The following ANKMY1 variants were observed in gnomAD, a reference collection of about 807,000 sequenced individuals.
ANKMY1 encodes the protein ankyrin repeat and MYND domain containing 1.
ANKMY1 carries 98 observed loss-of-function variants against 102.0 expected under a neutral mutation model. The ratio of observed to expected loss-of-function variants is 0.96; its 90% CI spans 0.82 to 1.14. ANKMY1 has a LOEUF of 1.14. Among genes scored for constraint, ANKMY1 ranks in the 50% most tolerant of loss-of-function variants. The pLI is 0.00. For synonymous variants in ANKMY1, 582 were observed against 559.9 expected, an observed-to-expected ratio of 1.04 and a Z score of -0.56; for missense variants, 1,330 against 1,347.6, an observed-to-expected ratio of 0.99 and a Z score of 0.20.
the ANKMY1 span, among the ~76,000 whole-genome samples, chr2:240,471,537 G>T: frequency 6.6e-6 from 1 of 152,148 alleles, no homozygotes; most frequent in African/African-American, 2.4e-5. Flanking sequence ...AAGCGAAAAG[G>T]GGGAGAAATA....
intron 6 of ANKMY1, 158 bp from the exon 7 acceptor site, chr2:240,526,007 G>T: frequency 9.7e-7 from 1 of 1,035,752 alleles, no homozygotes; most frequent in Non-Finnish European, 1.4e-6. Context: ...TGGGACAGAG[G>T]AATGGAACAG....
At chr2:240,471,046 A>C in the ANKMY1 span, among the ~76,000 whole-genome samples, 1 of 152,044 alleles carries the variant, frequency 6.6e-6, no homozygotes. Flanking sequence ...AACCGCAAAG[A>C]AACGAAGTTC....
At chr2:240,545,147 C>G (rs961568653) in intron 4 of ANKMY1, among the ~76,000 whole-genome samples, 3 of 152,192 alleles carry the variant, frequency 2.0e-5, no homozygotes, top group African/African-American at 7.2e-5. Context: ...TCTCCCAGCA[C>G]GCAGCTGGAG....
intron 11 of ANKMY1, among the ~76,000 whole-genome samples, chr2:240,510,850 A>C (rs767380480): frequency 4.0e-5 from 6 of 150,250 alleles, no homozygotes; most frequent in Non-Finnish European, 7.4e-5. Flanking sequence ...CAACTTTCCC[A>C]ATCTGTCATC....
At chr2:240,527,325 G>A (rs1284584829) in intron 5 of ANKMY1, 1 of 114,090 alleles carries the variant, frequency 8.8e-6, no homozygotes, top group African/African-American at 2.6e-5. Context: ...TAGGTGGGTA[G>A]ATGAATGGAT....
chr2:240,519,281 G>A (rs1256637960), intron 9 of ANKMY1, among the ~76,000 whole-genome samples: 1 of 152,212 alleles, frequency 6.6e-6, no homozygotes, highest in East Asian at 1.9e-4. Context: ...GATGGGGTTG[G>A]TCTAGATGTT....
intron 9 of ANKMY1, among the ~76,000 whole-genome samples, chr2:240,516,378 G>C (rs75819032): frequency 6.6e-6 from 1 of 152,108 alleles, no homozygotes; most frequent in South Asian, 2.1e-4. Flanking sequence ...TATTTGGCAC[G>C]TTAGAATTTT....
chr2:240,556,697 C>T (rs2092384710), intron 2 of ANKMY1, among the ~76,000 whole-genome samples: 2 of 152,208 alleles, frequency 1.3e-5, no homozygotes, highest in South Asian at 4.1e-4. Context: ...ATCCTTTGTC[C>T]CCACTAGACT....
chr2:240,560,294 G>C (rs968526834), upstream of ANKMY1: 2 of 167,586 alleles, frequency 1.2e-5, no homozygotes, highest in African/African-American at 4.8e-5. Flanking sequence ...GGCGGGCCCG[G>C]CCAAGCCACG....
chr2:240,475,188 T>C (rs902311063), downstream of ANKMY1, among the ~76,000 whole-genome samples: 1 of 152,248 alleles, frequency 6.6e-6, no homozygotes, highest in Non-Finnish European at 1.5e-5. Context: ...TTAAGCTTTT[T>C]TCATATGCTT....
At chr2:240,521,260 G>A (rs1247670924) in intron 8 of ANKMY1, among the ~76,000 whole-genome samples, 2 of 152,114 alleles carry the variant, frequency 1.3e-5, no homozygotes, top group African/African-American at 2.4e-5. Context: ...GAACTAGATC[G>A]TCCTTGAGCA....
chr2:240,469,020 G>A, the ANKMY1 span, among the ~76,000 whole-genome samples: 211 of 152,320 alleles, frequency 1.4e-3, no homozygotes, highest in African/African-American at 4.9e-3. Context: ...AGTCCTCTCC[G>A]TGGCGGGCCA....
intron 9 of ANKMY1, among the ~76,000 whole-genome samples, chr2:240,513,503 G>T (rs970841936): frequency 2.0e-5 from 3 of 152,252 alleles, no homozygotes; most frequent in Admixed American, 2.0e-4. Context: ...TGGGTCAAGA[G>T]ATGCTCCCCA....
rs946943644 is a variant in ANKMY1, at chr2:240,506,192, G to A, written c.2526+1368C>T. Among the ~76,000 whole-genome samples the A allele has an allele frequency of 6.6e-6, 1 of 152,220 alleles. No homozygotes were observed. Among genetic ancestry groups the A allele is most frequent in the African/African-American group, 2.4e-5 (1 of 41,452 alleles). ...CCCCGGACGAAGGACTATTCTGTAT[G>A]TTCAAGGCACATTCAGCGTCCACAC... On this transcript the variant is annotated intron_variant, in intron 13 of 17. Coordinates refer to ENST00000401804, the MANE Select transcript of ANKMY1 (RefSeq NM_001282771.3). The surrounding 1 kb of genome is among the most constrained non-coding windows in gnomAD (Gnocchi z 4.9).
At chr2:240,526,044 TG>T in intron 6 of ANKMY1, 184 bp downstream of exon 6, 1 of 966,686 alleles carries the variant, frequency 1.0e-6, no homozygotes, top group Non-Finnish European at 1.5e-6. Context: ...CCTTCTGCAC[TG>T]GACCACGAGT....
In ANKMY1 at chr2:240,497,111, G is replaced by C. The variant is rs866010684; in HGVS notation, c.2806+2847C>G. On this transcript the variant is annotated intron_variant, in intron 15 of 17. Coordinates refer to ENST00000401804, the MANE Select transcript of ANKMY1 (RefSeq NM_001282771.3). Reference sequence around the variant, plus strand: ...ATAAGAATGGAGCCGCCACCTCCTCGCCATCTTGGAAGCTGAGCATAAGAA... The same window carrying C: ...ATAAGAATGGAGCCGCCACCTCCTCCCCATCTTGGAAGCTGAGCATAAGAA... 2.6e-4 allele frequency among the ~76,000 whole-genome samples: 39 copies of C among 150,970 alleles called. No homozygotes were observed. The Admixed American group carries it at 2.6e-3, about 10-fold the overall frequency.
chr2:240,531,810 AG>A (rs2085458745), intron 4 of ANKMY1, among the ~76,000 whole-genome samples: 1 of 152,252 alleles, frequency 6.6e-6, no homozygotes, highest in Non-Finnish European at 1.5e-5. Flanking sequence ...TCAAGGTGGT[AG>A]TGAAATGACT....
chr2:240,476,630 A>T (rs990448584), downstream of ANKMY1, among the ~76,000 whole-genome samples: 1 of 152,262 alleles, frequency 6.6e-6, no homozygotes, highest in African/African-American at 2.4e-5. Context: ...ACGGCAACTA[A>T]GAGGCAGGCA....
intron 5 of ANKMY1, among the ~76,000 whole-genome samples, chr2:240,528,793 T>A (rs1241221492): frequency 1.3e-5 from 2 of 152,128 alleles, no homozygotes; most frequent in Non-Finnish European, 2.9e-5. Flanking sequence ...GGTGGGATCC[T>A]GAGACCCTCA....
Sources: allele counts gnomAD v4.1 joint callset (sites outside exome capture counted in the v4.1 genomes callset), GRCh38; gene constraint gnomAD v4.1.1; non-coding constraint Gnocchi (gnomAD v3.1); transcripts MANE v1.5; gene names NCBI Gene and HGNC (gene_info 2026-07-23, HGNC 2026-07-21).